Variants in PALLD observed in about 807,000 individuals in gnomAD.
PALLD encodes palladin, cytoskeletal associated protein.
A neutral mutation model predicts 123.5 loss-of-function variants in PALLD; 61 were observed. That is an observed-to-expected ratio of 0.49 (90% confidence interval 0.40 to 0.61). The LOEUF (loss-of-function observed/expected upper bound fraction) is 0.61, where lower values mean the gene tolerates loss of function less well. PALLD is among the 20% of genes least tolerant of loss of function. The probability of loss-of-function intolerance (pLI) is 0.00; values close to 1 mark genes in which losing one functional copy is unlikely to be tolerated. For synonymous variants in PALLD, 465 were observed against 496.4 expected, an observed-to-expected ratio of 0.94 and a Z score of 0.84; for missense variants, 1,273 against 1,377.0, an observed-to-expected ratio of 0.92 and a Z score of 1.20.
chr4:168,608,848 C>CT (rs1426089484), intron 2 of PALLD, among the ~76,000 whole-genome samples: 28 of 132,398 alleles, frequency 2.1e-4, no homozygotes, highest in East Asian at 3.2e-4. Context: ...AAAGCTATAA[C>CT]TATTTTTTTT....
chr4:168,556,296 C>T (rs904256619), intron 2 of PALLD, among the ~76,000 whole-genome samples: 1 of 152,038 alleles, frequency 6.6e-6, no homozygotes, highest in African/African-American at 2.4e-5. Flanking sequence ...GGGGCTTCAC[C>T]GTGTTAGCCA....
At chr4:168,753,585 G>A (rs1045367838) in intron 10 of PALLD, among the ~76,000 whole-genome samples, 6 of 152,140 alleles carry the variant, frequency 3.9e-5, no homozygotes, top group African/African-American at 1.4e-4. Context: ...TGTAGTGGGG[G>A]TGACAGTGTG....
chr4:168,922,096 T>TAC (rs1464630467), intron 18 of PALLD, among the ~76,000 whole-genome samples: 51 of 104,906 alleles, frequency 4.9e-4, no homozygotes, highest in African/African-American at 1.5e-3. Context: ...TATATATATA[T>TAC]ATATATACAC....
intron 2 of PALLD, among the ~76,000 whole-genome samples, chr4:168,611,141 A>G (rs12647503): frequency 0.24 from 37,197 of 152,008 alleles, 5,077 homozygotes; most frequent in East Asian, 0.49. Flanking sequence ...GTTTGGACCT[A>G]ATATCAGCAA....
chr4:168,721,856 A>G (rs1166281997), intron 10 of PALLD, among the ~76,000 whole-genome samples: 1 of 152,192 alleles, frequency 6.6e-6, no homozygotes, highest in Non-Finnish European at 1.5e-5. Flanking sequence ...TCAGGATTCC[A>G]TCTGGATTTT....
Position 168,904,284 on chromosome 4 carries a change from GC to G in PALLD, c.2622+379del, listed in dbSNP as rs199915552. On this transcript the variant is annotated intron_variant, in intron 15 of 21. Coordinates refer to ENST00000505667, the MANE Select transcript of PALLD (RefSeq NM_001166108.2). ...AAATAAAGGAGAAAAAGAGTGAGTG[GC>G]ATGCATAGGCTGTATAAGAAAAACT... 5.1e-3 allele frequency: 1,109 copies of G among 216,914 alleles called. 8 individuals carry two copies. Among genetic ancestry groups the G allele is most frequent in the Admixed American group, 5.2e-3 (103 of 19,874 alleles). 13.4% of individuals were successfully genotyped at this position (216,914 alleles called of 1,614,324 possible). A position where few individuals can be genotyped will look rare whatever the true frequency, so the allele number is the denominator to read the frequency against.
At chr4:168,659,239 G>T (rs1344004167) in intron 2 of PALLD, among the ~76,000 whole-genome samples, 2 of 152,220 alleles carry the variant, frequency 1.3e-5, no homozygotes, top group Non-Finnish European at 2.9e-5. Flanking sequence ...GTTCGTGGCA[G>T]ACCACTGCCA....
intron 10 of PALLD, among the ~76,000 whole-genome samples, chr4:168,722,679 A>T (rs1786137462): frequency 6.6e-6 from 1 of 152,208 alleles, no homozygotes; most frequent in Admixed American, 6.5e-5. Context: ...CAAGAGTGTA[A>T]ACCCACATTC....
At chr4:168,531,983 A>G (rs1667152647) in intron 2 of PALLD, among the ~76,000 whole-genome samples, 1 of 151,988 alleles carries the variant, frequency 6.6e-6, no homozygotes, top group Non-Finnish European at 1.5e-5. Flanking sequence ...GATTTGTTGC[A>G]CAGGTAAACT....
Position 168,744,220 on chromosome 4 carries a change from T to C in PALLD, c.1964+32297T>C, listed in dbSNP as rs1011268639. ...GAGTGTGGTGTATAAAGTGTGAGAA[T>C]CGTGCGTGTCCAGGAAGAGAGTGCT... On this transcript the variant is annotated intron_variant, in intron 10 of 21. Transcript: ENST00000505667. 6.2e-4 allele frequency among the ~76,000 whole-genome samples: 95 copies of C among 152,218 alleles called. 1 individual carries two copies. The highest frequency in any genetic ancestry group is 6.5e-4 in the Admixed American group (10 of 15,286).
intron 10 of PALLD, among the ~76,000 whole-genome samples, chr4:168,775,682 C>T (rs774311500): frequency 2.3e-4 from 35 of 152,198 alleles, no homozygotes; most frequent in Non-Finnish European, 3.7e-4. Flanking sequence ...ATGTTTAGAC[C>T]TATGATCTAT....
chr4:168,723,533 G>A (rs1406633274), intron 10 of PALLD, among the ~76,000 whole-genome samples: 1 of 152,186 alleles, frequency 6.6e-6, no homozygotes, highest in Non-Finnish European at 1.5e-5. Flanking sequence ...CTAGAAAAGG[G>A]ATTCAAGGGA....
At chr4:168,924,134 C>A in intron 18 of PALLD, 121 bp from the exon 19 acceptor site, 1 of 822,696 alleles carries the variant, frequency 1.2e-6, no homozygotes. Flanking sequence ...CATCTTACCA[C>A]CTGGAGTAAA....
intron 2 of PALLD, among the ~76,000 whole-genome samples, chr4:168,661,866 T>C (rs1380585118): frequency 2.0e-5 from 3 of 152,160 alleles, no homozygotes; most frequent in Non-Finnish European, 4.4e-5. Flanking sequence ...AGTTGCTGTA[T>C]CTAAAAATAT....
chr4:168,793,145 A>ATATATATACATATATG (rs1554083572), intron 10 of PALLD, among the ~76,000 whole-genome samples: 740 of 94,992 alleles, frequency 7.8e-3, no homozygotes, highest in Non-Finnish European at 0.012. Flanking sequence ...ATACATATAT[A>ATATATATACATATATG]TGTGTGCATA....
At chr4:168,653,358 A>C (rs953951046) in intron 2 of PALLD, among the ~76,000 whole-genome samples, 1 of 152,266 alleles carries the variant, frequency 6.6e-6, no homozygotes, top group Admixed American at 6.5e-5. Context: ...CAGGTGTGTA[A>C]ATAGTATTTA....
chr4:168,709,035 T>A lies in PALLD; in HGVS notation c.1509T>A (p.Ile503=). ...KPRSTAEPEE[I]CTLVIAETFP... The stretch of plus-strand genomic sequence containing the variant: ...TGTTCTCTTCACTTCCAGAGGAGAT[T>A]TGCACCCTAGTTATCGCTGAGACTT... Residue 503 remains isoleucine (I), a synonymous_variant, in exon 9 of 22, where the codon ATT becomes ATA. Coordinates refer to ENST00000505667, the MANE Select transcript of PALLD (RefSeq NM_001166108.2). 2 of 1,613,646 alleles carry A rather than the reference T, an allele frequency of 1.2e-6. No homozygotes were observed. The highest frequency in any genetic ancestry group is 1.7e-6 in the Non-Finnish European group (2 of 1,179,568).
intron 8 of PALLD, among the ~76,000 whole-genome samples, chr4:168,693,881 CA>C (rs11335986): frequency 0.12 from 18,635 of 151,490 alleles, 1,398 homozygotes; most frequent in East Asian, 0.35. Flanking sequence ...GTTTTTTAAA[CA>C]AAAAAAACCC....
intron 10 of PALLD, among the ~76,000 whole-genome samples, chr4:168,816,812 A>G (rs1244374946): frequency 7.3e-6 from 1 of 137,798 alleles, no homozygotes; most frequent in African/African-American, 2.8e-5. Context: ...TGTTGGAGCT[A>G]GCCCCGTGTG....
Sources: allele counts gnomAD v4.1 joint callset (sites outside exome capture counted in the v4.1 genomes callset), GRCh38; gene constraint gnomAD v4.1.1; transcripts MANE v1.5; gene names NCBI Gene and HGNC (gene_info 2026-07-23, HGNC 2026-07-21).